Variants in CARMIL1 observed in about 807,000 individuals in gnomAD.
CARMIL1 encodes the protein capping protein regulator and myosin 1 linker 1, also known as F-actin-uncapping protein LRRC16A.
CARMIL1 carries 90 observed loss-of-function variants against 177.1 expected under a neutral mutation model. The ratio of observed to expected loss-of-function variants is 0.51; its 90% CI spans 0.43 to 0.61. The LOEUF (loss-of-function observed/expected upper bound fraction) is 0.61, where lower values mean the gene tolerates loss of function less well. CARMIL1 is among the 20% of genes least tolerant of loss of function. The pLI is 0.00. For missense variants in CARMIL1, 1,380 were observed against 1,667.0 expected, an observed-to-expected ratio of 0.83 and a Z score of 3.00; for synonymous variants, 577 against 606.2, an observed-to-expected ratio of 0.95 and a Z score of 0.71.
chr6:25,406,952 C>G (rs1794427729), intron 2 of CARMIL1, among the ~76,000 whole-genome samples: 1 of 120,126 alleles, frequency 8.3e-6, no homozygotes, highest in African/African-American at 3.2e-5. Flanking sequence ...GGACATGTGA[C>G]TAGGAATAAC....
In CARMIL1 at chr6:25,450,982, C is replaced by CTCTCTTCTCTTCT. The variant is rs1562155523; in HGVS notation, c.614+271_614+272insTCTCTTCTCTTCT. On this transcript the variant is annotated intron_variant, in intron 8 of 36. Coordinates refer to ENST00000329474, the MANE Select transcript of CARMIL1 (RefSeq NM_017640.6). The stretch of plus-strand genomic sequence containing the variant: ...CTCTCCTCTCTTCTCTTCTCCTCTC[C>CTCTCTTCTCTTCT]CCCTCCCCTCTCCCCTCTCCCCTCT... Among the ~76,000 whole-genome samples the CTCTCTTCTCTTCT allele has an allele frequency of 8.0e-3, 41 of 5,110 alleles. 3 individuals carry two copies. Among genetic ancestry groups the CTCTCTTCTCTTCT allele is most frequent in the East Asian group, 0.026 (1 of 38 alleles). The allele number at this position is 5,110 out of a possible 152,430, so 3.4% of individuals were successfully genotyped here.
intron 29 of CARMIL1, among the ~76,000 whole-genome samples, chr6:25,568,214 T>C (rs1811723282): frequency 6.6e-6 from 1 of 152,256 alleles, no homozygotes; most frequent in African/African-American, 2.4e-5. Context: ...CTAGATTATA[T>C]AGCCTTATAT....
chr6:25,472,372 C>G, intron 10 of CARMIL1, 55 bp from the exon 11 acceptor site: 1 of 1,195,876 alleles, frequency 8.4e-7, no homozygotes, highest in Non-Finnish European at 1.2e-6. Context: ...TTAAATGTTC[C>G]GTTCGAATGG....
intron 2 of CARMIL1, among the ~76,000 whole-genome samples, chr6:25,357,599 A>C (rs1015346783): frequency 1.3e-5 from 2 of 152,188 alleles, no homozygotes; most frequent in African/African-American, 4.8e-5. Context: ...GAAAACAAAA[A>C]TAAAAAAACA....
intron 2 of CARMIL1, among the ~76,000 whole-genome samples, chr6:25,303,014 C>T (rs1029539163): frequency 1.3e-5 from 2 of 152,070 alleles, no homozygotes; most frequent in Non-Finnish European, 1.5e-5. Context: ...CTTTTCTGCA[C>T]GTCATTTTAG....
chr6:25,592,323 G>A (rs925536376), intron 31 of CARMIL1, among the ~76,000 whole-genome samples: 2 of 152,102 alleles, frequency 1.3e-5, no homozygotes, highest in African/African-American at 4.8e-5. Context: ...TTAACTTAAG[G>A]GGCTATTACT....
chr6:25,590,493 A>C (rs984378028), intron 31 of CARMIL1, among the ~76,000 whole-genome samples: 8 of 152,166 alleles, frequency 5.3e-5, no homozygotes, highest in African/African-American at 1.9e-4. Flanking sequence ...TACTATCTCC[A>C]TAAAATTGAT....
intron 29 of CARMIL1, among the ~76,000 whole-genome samples, chr6:25,560,976 C>T (rs1206994839): frequency 6.6e-6 from 1 of 152,208 alleles, no homozygotes; most frequent in Non-Finnish European, 1.5e-5. Context: ...CCTGAAACCT[C>T]CTGTGCCTCT....
chr6:25,374,675 A>G (rs1790801638), intron 2 of CARMIL1, among the ~76,000 whole-genome samples: 1 of 152,150 alleles, frequency 6.6e-6, no homozygotes, highest in Non-Finnish European at 1.5e-5. Context: ...GTCGTGTAGT[A>G]ATTGTTTTAT....
At chr6:25,367,124 A>G (rs1236287205) in intron 2 of CARMIL1, among the ~76,000 whole-genome samples, 1 of 152,008 alleles carries the variant, frequency 6.6e-6, no homozygotes, top group Non-Finnish European at 1.5e-5. Flanking sequence ...GTTTCTCTCA[A>G]ATGTTCGGAA....
chr6:25,586,960 G>A (rs1813798445), intron 31 of CARMIL1, among the ~76,000 whole-genome samples: 1 of 148,806 alleles, frequency 6.7e-6, no homozygotes, highest in African/African-American at 2.5e-5. Context: ...GAGGAAGAGG[G>A]AGAGAGACCG....
chr6:25,546,684 A>C (rs985518317), intron 26 of CARMIL1, among the ~76,000 whole-genome samples: 23 of 150,696 alleles, frequency 1.5e-4, no homozygotes, highest in South Asian at 2.1e-4. Flanking sequence ...AAAAAAAAAA[A>C]AAAAAAATTG....
intron 9 of CARMIL1, among the ~76,000 whole-genome samples, chr6:25,467,304 C>G (rs1420685805): frequency 6.6e-6 from 1 of 152,058 alleles, no homozygotes; most frequent in East Asian, 1.9e-4. Context: ...GGGACCATTT[C>G]CAGGACTGAG....
intron 23 of CARMIL1, among the ~76,000 whole-genome samples, chr6:25,523,081 G>A (rs1806735450): frequency 6.6e-6 from 1 of 152,190 alleles, no homozygotes; most frequent in African/African-American, 2.4e-5. Flanking sequence ...TTATAGGTGT[G>A]AGCCACCATG....
chr6:25,538,110 G>A, intron 25 of CARMIL1, 127 bp downstream of exon 25: 1 of 1,021,028 alleles, frequency 9.8e-7, no homozygotes, highest in Non-Finnish European at 1.4e-6. Flanking sequence ...GTGGCAAAGT[G>A]AACTGAATTA....
At chr6:25,556,955 C>T in intron 29 of CARMIL1, 105 bp downstream of exon 29, 1 of 1,113,024 alleles carries the variant, frequency 9.0e-7, no homozygotes, top group Non-Finnish European at 1.3e-6. Flanking sequence ...CCAAACAAAA[C>T]ACTGTCCCCA....
At chr6:25,348,598 A>G (rs112796245) in intron 2 of CARMIL1, among the ~76,000 whole-genome samples, 1,662 of 151,196 alleles carry the variant, frequency 0.011, 27 homozygotes, top group African/African-American at 0.038. Flanking sequence ...CCTGGCCAAC[A>G]TGGTGAAACC....
At position 25,558,030 on chromosome 6, in the gene CARMIL1, G is replaced by A. The variant is rs938820484; in HGVS notation, c.2742+1180G>A. Among the ~76,000 whole-genome samples the A allele has an allele frequency of 6.6e-6, 1 of 152,076 alleles. No homozygotes were observed. The highest frequency in any genetic ancestry group is 1.5e-5 in the Non-Finnish European group (1 of 68,006). On this transcript the variant is annotated intron_variant, in intron 29 of 36. Transcript: ENST00000329474. This position sits in a 1 kb window ranked among gnomAD's most constrained non-coding sequence, Gnocchi z 4.1. ...GCACATATATTTAATCTGGGTGGAG[G>A]AAATTGTCAAGTTTTTAAAAACTTG...
At chr6:25,438,188 G>T (rs546711398) in intron 5 of CARMIL1, among the ~76,000 whole-genome samples, 1 of 152,278 alleles carries the variant, frequency 6.6e-6, no homozygotes, top group East Asian at 1.9e-4. Context: ...CTTTATTCAT[G>T]TTTCCAAAGA....
Sources: allele counts gnomAD v4.1 joint callset (sites outside exome capture counted in the v4.1 genomes callset), GRCh38; gene constraint gnomAD v4.1.1; non-coding constraint Gnocchi (gnomAD v3.1); transcripts MANE v1.5; gene names NCBI Gene and HGNC (gene_info 2026-07-23, HGNC 2026-07-21).